The following ITPR1 variants were observed in gnomAD, a reference collection of about 807,000 sequenced individuals.
The protein encoded by ITPR1 is inositol 1,4,5-trisphosphate-gated calcium channel ITPR1.
Under a neutral mutation model 318.4 loss-of-function variants are expected in ITPR1, and 96 were observed. That is an observed-to-expected ratio of 0.30 (90% CI 0.26 to 0.36). The LOEUF (loss-of-function observed/expected upper bound fraction) is 0.36, where lower values mean the gene tolerates loss of function less well. Ranked by LOEUF, ITPR1 falls within the 10% of genes least tolerant of loss-of-function variation. The pLI is 1.00. For synonymous variants in ITPR1, 1,312 were observed against 1,289.9 expected, an observed-to-expected ratio of 1.02 and a Z score of -0.37; for missense variants, 2,440 against 3,460.2, an observed-to-expected ratio of 0.71 and a Z score of 7.40.
chr3:4,680,927 T>C (rs1262964967), intron 25 of ITPR1, among the ~76,000 whole-genome samples: 2 of 152,110 alleles, frequency 1.3e-5, no homozygotes, highest in Non-Finnish European at 2.9e-5. Flanking sequence ...ATGAGACAGT[T>C]GAGGTTTCCA....
rs1009259804 is a variant in ITPR1, at chr3:4,806,275, C to A, written c.7272+8C>A. The A allele has an allele frequency of 1.2e-6, 2 of 1,612,816 alleles. No individual in the cohort carries two copies. Among genetic ancestry groups the A allele is most frequent in the Non-Finnish European group, 1.7e-6 (2 of 1,178,886 alleles). On this transcript the variant is annotated splice_region_variant and intron_variant, in intron 55 of 61. Coordinates refer to ENST00000649015, the MANE Select transcript of ITPR1 (RefSeq NM_001378452.1). ...TTCTTCTACAGTCTGCTGGTGAGTA[C>A]CTGGTGTGGAAATATTTTATGTGTG...
intron 54 of ITPR1, among the ~76,000 whole-genome samples, chr3:4,804,869 C>G (rs1229041544): frequency 6.6e-6 from 1 of 152,160 alleles, no homozygotes; most frequent in Admixed American, 6.5e-5. Flanking sequence ...CACCGACCTA[C>G]CAGATTAACT....
At position 4,836,951 on chromosome 3, in the gene ITPR1, C is replaced by G. The variant is rs766131292; in HGVS notation, c.8190+16C>G. The G allele has an allele frequency of 1.8e-5, 28 of 1,559,660 alleles. No individual in the cohort carries two copies. The highest frequency in any genetic ancestry group is 2.5e-5 in the Non-Finnish European group (28 of 1,141,354). On this transcript the variant is annotated intron_variant, in intron 61 of 61. Transcript: ENST00000649015. ...AAAGGATCAGGTAAAGAAAGAAAATCCCAGCGCCTACCCTCCCATCACTAT... is the reference window on the plus strand; with the variant it reads ...AAAGGATCAGGTAAAGAAAGAAAATGCCAGCGCCTACCCTCCCATCACTAT...
At chr3:4,565,577 C>T (rs57041755) in intron 4 of ITPR1, among the ~76,000 whole-genome samples, 2,712 of 152,286 alleles carry the variant, frequency 0.018, 82 homozygotes, top group African/African-American at 0.061. Context: ...CTTTCTCCTT[C>T]CTGGTTGGGG....
chr3:4,631,211 G>A (rs1360730662), intron 5 of ITPR1, among the ~76,000 whole-genome samples: 3 of 152,172 alleles, frequency 2.0e-5, no homozygotes, highest in Non-Finnish European at 1.5e-5. Context: ...GGTTTTGATC[G>A]ATCTTGTGAA....
At chr3:4,808,834 T>C (rs73807160) in intron 55 of ITPR1, among the ~76,000 whole-genome samples, 1,951 of 152,160 alleles carry the variant, frequency 0.013, 50 homozygotes, top group African/African-American at 0.045. Context: ...GGGAGGGTGA[T>C]CTGGTGGCCT....
At chr3:4,581,084 A>C (rs1169421234) in intron 4 of ITPR1, among the ~76,000 whole-genome samples, 1 of 152,216 alleles carries the variant, frequency 6.6e-6, no homozygotes, top group Non-Finnish European at 1.5e-5. Context: ...GAAGCTTAAA[A>C]TACCGCTTGT....
intron 13 of ITPR1, 58 bp from the exon 14 acceptor site, chr3:4,660,930 G>A (rs2093818571): frequency 1.2e-6 from 1 of 820,186 alleles, no homozygotes; most frequent in Non-Finnish European, 2.0e-6. Context: ...CTAGACTAGG[G>A]GCTATAGAGT....
chr3:4,640,004 C>T (rs762320074), intron 6 of ITPR1, among the ~76,000 whole-genome samples: 2 of 152,058 alleles, frequency 1.3e-5, no homozygotes, highest in Non-Finnish European at 2.9e-5. Flanking sequence ...TTTAAATTTG[C>T]CGTGGAGATA....
intron 17 of ITPR1, 98 bp downstream of exon 17, chr3:4,665,394 A>G: frequency 8.8e-7 from 1 of 1,139,984 alleles, no homozygotes; most frequent in Non-Finnish European, 1.3e-6. Context: ...CTATTTATAG[A>G]ATGGATGCAG....
chr3:4,501,502 GAA>G (rs1417023821), intron 2 of ITPR1, among the ~76,000 whole-genome samples: 1 of 152,240 alleles, frequency 6.6e-6, no homozygotes, highest in African/African-American at 2.4e-5. Flanking sequence ...ACACACACGT[GAA>G]AATACGAGAA....
chr3:4,693,566 G>A lies in ITPR1; in HGVS notation c.4106G>A (p.Arg1369Gln), dbSNP rs1461379244. The change falls in exon 33 of 62, where the codon CGG becomes CAG. Residue 1369 changes from arginine (R) to glutamine (Q), a missense_variant. Arg to Gln is a conservative substitution (Grantham distance 43, BLOSUM62 1). Coordinates refer to ENST00000649015, the MANE Select transcript of ITPR1 (RefSeq NM_001378452.1). ...ASFQTLIQMM[R>Q]SERDRMDENS... ...TTCCAGACTCTGATCCAGATGATGC[G>A]GTCAGAACGGGATCGGATGGATGAG... The A allele has an allele frequency of 1.1e-5, 17 of 1,613,976 alleles. No individual in the cohort carries two copies. Among genetic ancestry groups the A allele is most frequent in the East Asian group, 8.9e-5 (4 of 44,890 alleles).
intron 2 of ITPR1, among the ~76,000 whole-genome samples, chr3:4,495,451 C>T (rs177441): frequency 0.1 from 15,424 of 152,224 alleles, 809 homozygotes; most frequent in African/African-American, 0.12. Context: ...ATAAGATCCT[C>T]AGGAGTACTG....
At chr3:4,811,920 C>T (rs1324112377) in intron 56 of ITPR1, among the ~76,000 whole-genome samples, 4 of 152,158 alleles carry the variant, frequency 2.6e-5, no homozygotes, top group Non-Finnish European at 5.9e-5. Flanking sequence ...GATCATGGTA[C>T]ATCCATGAGG....
At chr3:4,801,365 C>G (rs1313274674) in intron 54 of ITPR1, among the ~76,000 whole-genome samples, 1 of 152,016 alleles carries the variant, frequency 6.6e-6, no homozygotes. Context: ...AGCAAAAGCC[C>G]CAAAGGGAGT....
chr3:4,616,139 T>C (rs1212754534), intron 4 of ITPR1, among the ~76,000 whole-genome samples: 1 of 152,240 alleles, frequency 6.6e-6, no homozygotes, highest in Non-Finnish European at 1.5e-5. Context: ...CTGGAGTTAA[T>C]TGCTTGTTTA....
At chr3:4,604,555 T>C (rs979089416) in intron 4 of ITPR1, among the ~76,000 whole-genome samples, 1 of 152,022 alleles carries the variant, frequency 6.6e-6, no homozygotes, top group Non-Finnish European at 1.5e-5. Flanking sequence ...TGACAAGCAA[T>C]GTAAAGGAGC....
chr3:4,672,107 A>C (rs764594393), intron 20 of ITPR1, among the ~76,000 whole-genome samples: 6 of 152,312 alleles, frequency 3.9e-5, no homozygotes, highest in Non-Finnish European at 8.8e-5. Context: ...CACATGCTGC[A>C]GTTCTTCATG....
At chr3:4,752,143 A>AT (rs1575122736) in intron 44 of ITPR1, among the ~76,000 whole-genome samples, 1 of 152,272 alleles carries the variant, frequency 6.6e-6, no homozygotes, top group Non-Finnish European at 1.5e-5. Flanking sequence ...GGACTTTAAA[A>AT]ATATATATAT....
Sources: allele counts gnomAD v4.1 joint callset (sites outside exome capture counted in the v4.1 genomes callset), GRCh38; gene constraint gnomAD v4.1.1; transcripts MANE v1.5; gene names NCBI Gene and HGNC (gene_info 2026-07-23, HGNC 2026-07-21).